The following TRDN variants were observed in gnomAD, a reference collection of about 807,000 sequenced individuals.
TRDN encodes the protein triadin.
TRDN carries 161 observed loss-of-function variants against 149.7 expected under a neutral mutation model. The ratio of observed to expected loss-of-function variants is 1.08; its 90% CI spans 0.95 to 1.23. The LOEUF is 1.23. Ranked by LOEUF, TRDN falls within the 50% of genes most tolerant of loss-of-function variation. The pLI is 0.00. For missense variants in TRDN, 896 were observed against 823.5 expected, an observed-to-expected ratio of 1.09 and a Z score of -1.08; for synonymous variants, 294 against 250.5, an observed-to-expected ratio of 1.17 and a Z score of -1.64.
chr6:123,240,624 T>C (rs1279362109), intron 38 of TRDN, among the ~76,000 whole-genome samples: 1 of 151,920 alleles, frequency 6.6e-6, no homozygotes, highest in Admixed American at 6.6e-5. Flanking sequence ...TTTAGACAAA[T>C]GAATTCAAAA....
intron 1 of TRDN, among the ~76,000 whole-genome samples, chr6:123,599,063 T>C (rs1784162271): frequency 6.6e-6 from 1 of 152,090 alleles, no homozygotes; most frequent in South Asian, 2.1e-4. Flanking sequence ...AAAAAATAGT[T>C]GCAGTACTTA....
chr6:123,344,768 G>T (rs1325260969), intron 21 of TRDN, among the ~76,000 whole-genome samples: 1 of 151,992 alleles, frequency 6.6e-6, no homozygotes, highest in Non-Finnish European at 1.5e-5. Flanking sequence ...ATATACATAA[G>T]TTTTCAGCTT....
chr6:123,399,912 G>A lies in TRDN; in HGVS notation c.1052-6235C>T, dbSNP rs142473321. On this transcript the variant is annotated intron_variant, in intron 12 of 40. Coordinates refer to ENST00000334268, the MANE Select transcript of TRDN (RefSeq NM_006073.4). ...CAACAAATTGGAATGATTTCCTTAG[G>A]AGAAGAATACACTTTCTAGAACAGT... is the stretch of plus-strand genomic sequence containing the variant. 6.4e-3 allele frequency among the ~76,000 whole-genome samples: 976 copies of A among 151,962 alleles called. 6 individuals carry two copies. Among genetic ancestry groups the A allele is most frequent in the Non-Finnish European group, 8.8e-3 (598 of 67,954 alleles).
intron 38 of TRDN, among the ~76,000 whole-genome samples, chr6:123,233,726 T>C (rs573117038): frequency 2.8e-4 from 42 of 152,190 alleles, no homozygotes; most frequent in African/African-American, 9.9e-4. Context: ...TAAAACAAAA[T>C]CATCATGAAT....
chr6:123,356,133 C>T (rs575848823), intron 20 of TRDN, among the ~76,000 whole-genome samples: 33 of 151,688 alleles, frequency 2.2e-4, no homozygotes, highest in African/African-American at 7.2e-4. Context: ...TTTTACTGCA[C>T]TGGATGGAAA....
At chr6:123,490,345 G>A (rs1264487706) in intron 9 of TRDN, among the ~76,000 whole-genome samples, 2 of 152,176 alleles carry the variant, frequency 1.3e-5, no homozygotes, top group Non-Finnish European at 2.9e-5. Flanking sequence ...CAGACAGGTA[G>A]CTTAGAGAGC....
chr6:123,516,464 G>C lies in TRDN; in HGVS notation c.485-258C>G, dbSNP rs78336591. Among the ~76,000 whole-genome samples the C allele has an allele frequency of 3.4e-3, 517 of 152,132 alleles. 24 individuals are homozygous for C. The East Asian group carries it at 0.091, about 27-fold the overall frequency. ...TGCAAAGATAAGAATACCCCCGTCAGCTTTTCCAAATCTTTAATTGAAATA... is the reference window on the plus strand; with the variant it reads ...TGCAAAGATAAGAATACCCCCGTCACCTTTTCCAAATCTTTAATTGAAATA... On this transcript the variant is annotated intron_variant, in intron 5 of 40. Transcript: ENST00000334268.
At chr6:123,358,503 C>T (rs1460510595) in intron 20 of TRDN, among the ~76,000 whole-genome samples, 2 of 151,266 alleles carry the variant, frequency 1.3e-5, no homozygotes, top group African/African-American at 2.4e-5. Flanking sequence ...TTGCATTTGT[C>T]GCCCAGGCTG....
At chr6:123,530,473 A>C in intron 5 of TRDN, 33 bp downstream of exon 5, 1 of 1,167,232 alleles carries the variant, frequency 8.6e-7, no homozygotes. Context: ...ATGTATATCT[A>C]AATGAAGAAT....
chr6:123,466,045 G>C (rs1442837251), intron 9 of TRDN, among the ~76,000 whole-genome samples: 1 of 152,156 alleles, frequency 6.6e-6, no homozygotes, highest in Admixed American at 6.5e-5. Flanking sequence ...TCTTGTAGCT[G>C]TTACACCCAT....
chr6:123,539,563 A>G (rs949326759), intron 4 of TRDN, among the ~76,000 whole-genome samples: 5 of 152,218 alleles, frequency 3.3e-5, no homozygotes, highest in Non-Finnish European at 5.9e-5. Flanking sequence ...AGAAAGGGAA[A>G]CAATACCAAT....
chr6:123,624,076 T>A (rs1055893606), intron 1 of TRDN, among the ~76,000 whole-genome samples: 3 of 151,194 alleles, frequency 2.0e-5, no homozygotes, highest in African/African-American at 7.3e-5. Context: ...ATATTTTACA[T>A]TTCATCCTTA....
rs1426597568 is a variant in TRDN at position 123,497,247 on chromosome 6, A to C, written c.799T>G (p.Tyr267Asp). ...TCAATCATATATCGACAGAATGCAT[A>C]CTGATCTGACAGAGTAGAAAGAAAA... ...AVSKHEQKDQ[Y>D]AFCRYMIDIF... The change falls in exon 9 of 41, where the codon TAT (tyrosine) becomes GAT (aspartate). Residue 267 changes from tyrosine (Y) to aspartate (D), a missense_variant. Coordinates refer to ENST00000334268, the MANE Select transcript of TRDN (RefSeq NM_006073.4). 1 of 1,538,490 alleles carries C rather than the reference A, an allele frequency of 6.5e-7. No homozygotes were observed. The highest frequency in any genetic ancestry group is 1.7e-4 in the Middle Eastern group (1 of 5,906).
chr6:123,294,431 A>G (rs915625959), intron 24 of TRDN, among the ~76,000 whole-genome samples: 1 of 152,096 alleles, frequency 6.6e-6, no homozygotes, highest in Non-Finnish European at 1.5e-5. Flanking sequence ...TTTTGACACC[A>G]GGGACTGGTT....
At chr6:123,433,328 G>A (rs913231076) in intron 12 of TRDN, among the ~76,000 whole-genome samples, 13 of 151,450 alleles carry the variant, frequency 8.6e-5, no homozygotes, top group African/African-American at 2.2e-4. Flanking sequence ...TTCTATCATT[G>A]CCTTAAGTTT....
chr6:123,473,718 G>A (rs528159011), intron 9 of TRDN, among the ~76,000 whole-genome samples: 4 of 151,740 alleles, frequency 2.6e-5, no homozygotes, highest in South Asian at 2.1e-4. Context: ...CCCTCAAAGG[G>A]AAGCCCATCA....
intron 1 of TRDN, among the ~76,000 whole-genome samples, chr6:123,634,372 T>C (rs1230219378): frequency 6.6e-6 from 1 of 151,870 alleles, no homozygotes; most frequent in African/African-American, 2.4e-5. Context: ...ACCCAGGAGT[T>C]TGAGACTGCA....
chr6:123,509,054 A>T (rs547159387), intron 7 of TRDN, among the ~76,000 whole-genome samples: 1 of 152,154 alleles, frequency 6.6e-6, no homozygotes, highest in Admixed American at 6.6e-5. Flanking sequence ...ATACATATAT[A>T]TGTTTTAAAC....
intron 2 of TRDN, among the ~76,000 whole-genome samples, chr6:123,558,068 A>T (rs984959125): frequency 6.6e-6 from 1 of 152,084 alleles, no homozygotes; most frequent in African/African-American, 2.4e-5. Context: ...GACCTAAAAA[A>T]TTCTTGTCCT....
Sources: gnomAD v4.1 joint callset for allele counts (sites outside exome capture counted in the v4.1 genomes callset) on GRCh38, gnomAD v4.1.1 for gene constraint, MANE v1.5 for transcripts, NCBI Gene and HGNC (gene_info 2026-07-23, HGNC 2026-07-21) for gene names.